RIPK4: variants seen among roughly 807,000 people sequenced by gnomAD.
RIPK4 encodes the protein receptor interacting serine/threonine kinase 4, also known as receptor-interacting serine/threonine-protein kinase 4.
A neutral mutation model predicts 42.9 loss-of-function variants in RIPK4; 17 were observed. The observed-to-expected ratio is 0.40, with a 90% CI of 0.27 to 0.59. The LOEUF is 0.59. Among genes scored for constraint, RIPK4 ranks in the 20% least tolerant of loss-of-function variants. The probability of loss-of-function intolerance (pLI) is 0.47; values close to 1 mark genes in which losing one functional copy is unlikely to be tolerated. For synonymous variants in RIPK4, 498 were observed against 499.1 expected (o/e 1.00, Z 0.03); for missense variants, 897 against 1,104.4 (o/e 0.81, Z 2.66).
At position 41,752,758 on chromosome 21, in the gene RIPK4, A is replaced by C. The variant is rs185530285; in HGVS notation, c.475-1513T>G. Among the ~76,000 whole-genome samples, 6 of 152,288 alleles carry C rather than the reference A, an allele frequency of 3.9e-5. No homozygotes were observed. The East Asian group carries it at 1.2e-3, about 29-fold the overall frequency. Reference sequence around the variant, plus strand: ...GTGGCTTGAAAGCCTTCAAATTCAGAAATGGGCTGAACAATGAGAACACAT... The same window carrying C: ...GTGGCTTGAAAGCCTTCAAATTCAGCAATGGGCTGAACAATGAGAACACAT... On this transcript the variant is annotated intron_variant, in intron 2 of 7. Coordinates refer to ENST00000332512, the MANE Select transcript of RIPK4 (RefSeq NM_020639.3).
intron 1 of RIPK4, among the ~76,000 whole-genome samples, chr21:41,759,609 G>A (rs2061214830): frequency 6.6e-6 from 1 of 152,162 alleles, no homozygotes; most frequent in Non-Finnish European, 1.5e-5. Context: ...CACAGCAGGG[G>A]GCTCTTCTGG....
rs201383657 is a variant in RIPK4 at position 41,740,882 on chromosome 21, C to T, written c.2311G>A (p.Gly771Ser). The stretch of plus-strand genomic sequence containing the variant: ...AGGAGCGTGGCGGCGGGGCCATGGC[C>T]GCCCTGGAACTTGAGGCTCTGCAGG... Reference protein sequence around the residue: ...INLQSLKFQGGHGPAATLLRR... With the variant: ...INLQSLKFQGSHGPAATLLRR... The change falls in exon 8 of 8, where the codon GGC (glycine) becomes AGC (serine). Residue 771 changes from glycine (G) to serine (S), a missense_variant. By Grantham distance (56) the Gly-to-Ser change is moderately conservative. Coordinates refer to ENST00000332512, the MANE Select transcript of RIPK4 (RefSeq NM_020639.3). 3.6e-5 allele frequency: 58 copies of T among 1,611,450 alleles called. No individual in the cohort carries two copies. The Admixed American group carries it at 5.2e-4, about 14-fold the overall frequency.
intron 3 of RIPK4, among the ~76,000 whole-genome samples, chr21:41,749,432 T>C (rs376970631): frequency 6.6e-6 from 1 of 152,232 alleles, no homozygotes; most frequent in Non-Finnish European, 1.5e-5. Flanking sequence ...CCAACTGGGC[T>C]ACAATCTTCA....
In RIPK4 at chr21:41,743,912, G is replaced by A. The variant is rs1193618462; in HGVS notation, c.1165C>T (p.Leu389=). ...SAFSSRGSLS[L]SFEREPSTSD... is the part of the protein sequence containing the mutation. ...GTTGAAGGTTCCCGCTCAAAGGACA[G>A]CGACAGTGATCCTCTGGAAGAGAAG... Residue 389 remains leucine, a synonymous_variant, in exon 7 of 8, where the codon CTG becomes TTG. Transcript: ENST00000332512. The A allele has an allele frequency of 6.2e-7, 1 of 1,611,080 alleles. No individual in the cohort carries two copies. The highest frequency in any genetic ancestry group is 1.1e-5 in the South Asian group (1 of 90,906).
intron 1 of RIPK4, among the ~76,000 whole-genome samples, chr21:41,764,256 C>T (rs1268802208): frequency 1.3e-5 from 2 of 152,198 alleles, no homozygotes; most frequent in Non-Finnish European, 2.9e-5. Flanking sequence ...GGCCAAGGGC[C>T]GGCTGAAGGC....
At position 41,742,033 on chromosome 21, in the gene RIPK4, C is replaced by T; in HGVS notation, c.1196-36G>A. ...AGGAGAGGCAAAGGTCAGAGCGTGGCTGCACATCCAGGGACGTGGCGTCTC... is the reference window on the plus strand; with the variant it reads ...AGGAGAGGCAAAGGTCAGAGCGTGGTTGCACATCCAGGGACGTGGCGTCTC... On this transcript the variant is annotated intron_variant, in intron 7 of 7. Coordinates refer to ENST00000332512, the MANE Select transcript of RIPK4 (RefSeq NM_020639.3). This position sits in a 1 kb window ranked among gnomAD's most constrained non-coding sequence, Gnocchi z 5.1. The T allele has an allele frequency of 6.5e-7, 1 of 1,534,128 alleles. No individual in the cohort carries two copies. Among genetic ancestry groups the T allele is most frequent in the Non-Finnish European group, 8.8e-7 (1 of 1,137,522 alleles).
chr21:41,748,080 G>C (rs945063823), intron 4 of RIPK4, among the ~76,000 whole-genome samples: 1 of 152,248 alleles, frequency 6.6e-6, no homozygotes, highest in Admixed American at 6.5e-5. Context: ...GTAGGCCACT[G>C]TGCGGGAGAA....
intron 4 of RIPK4, among the ~76,000 whole-genome samples, chr21:41,748,850 G>T (rs1034956029): frequency 1.3e-5 from 2 of 152,122 alleles, no homozygotes; most frequent in East Asian, 3.8e-4. Context: ...CAGTGGTAAC[G>T]CTTGTTCAAC....
chr21:41,760,764 TG>T (rs1309722537), intron 1 of RIPK4, among the ~76,000 whole-genome samples: 2 of 151,140 alleles, frequency 1.3e-5, no homozygotes, highest in Non-Finnish European at 1.5e-5. Context: ...CTGGGGGGTG[TG>T]GGGGGTGGGC....
At position 41,753,789 on chromosome 21, in the gene RIPK4, C is replaced by T. The variant is rs2061195300; in HGVS notation, c.475-2544G>A. On this transcript the variant is annotated intron_variant, in intron 2 of 7. Coordinates refer to ENST00000332512, the MANE Select transcript of RIPK4 (RefSeq NM_020639.3). Reference sequence around the variant, plus strand: ...GGTTTTGCTGCCTCTAAAAGAAAGACACAGCAGAACGTGACCCGCGTGTGA... The same window carrying T: ...GGTTTTGCTGCCTCTAAAAGAAAGATACAGCAGAACGTGACCCGCGTGTGA... Among the ~76,000 whole-genome samples the T allele has an allele frequency of 2.0e-5, 3 of 152,192 alleles. No individual in the cohort carries two copies. The South Asian group carries it at 6.2e-4, about 32-fold the overall frequency.
chr21:41,758,462 G>T (rs2061211657), intron 1 of RIPK4, among the ~76,000 whole-genome samples: 5 of 152,108 alleles, frequency 3.3e-5, no homozygotes, highest in Admixed American at 3.3e-4. Flanking sequence ...CTGTTCGTGG[G>T]TGCAGGCCAT....
intron 2 of RIPK4, among the ~76,000 whole-genome samples, chr21:41,754,331 T>C (rs7283033): frequency 0.14 from 21,850 of 152,138 alleles, 1,698 homozygotes; most frequent in Middle Eastern, 0.21. Flanking sequence ...CACGTAAAGG[T>C]ATTTTTCGGT....
Position 41,741,807 on chromosome 21 carries a change from G to A in RIPK4, c.1386C>T (p.Ala462=), listed in dbSNP as rs913477536. ...CCCTACGGTTGCTCAGGTTGGGGTT[G>A]GCATTGTTGAGCAGCAGCCACTTGG... is the stretch of plus-strand genomic sequence containing the variant. The part of the protein sequence containing the change: ...ECAKWLLLNN[A]NPNLSNRRGS... The change falls in exon 8 of 8, where the codon GCC becomes GCT. Residue 462 remains alanine (A), a synonymous_variant. Coordinates refer to ENST00000332512, the MANE Select transcript of RIPK4 (RefSeq NM_020639.3). The A allele has an allele frequency of 5.6e-6, 9 of 1,611,472 alleles. No individual in the cohort carries two copies. The African/African-American group carries it at 1.1e-4, about 19-fold the overall frequency.
In RIPK4 at chr21:41,751,055, C is replaced by A. The variant is rs1353304659; in HGVS notation, c.623+42G>T. 1 of 1,593,648 alleles carries A rather than the reference C, an allele frequency of 6.3e-7. No homozygotes were observed. The highest frequency in any genetic ancestry group is 1.3e-5 in the African/African-American group (1 of 74,602). Reference sequence around the variant, plus strand: ...GGGCATGAAGCATTGAGGTTGAGAGCCCCTGGCACCCACAGGGGATGGGGG... The same window carrying A: ...GGGCATGAAGCATTGAGGTTGAGAGACCCTGGCACCCACAGGGGATGGGGG... On this transcript the variant is annotated intron_variant, in intron 3 of 7. Transcript: ENST00000332512. This position sits in a 1 kb window ranked among gnomAD's most constrained non-coding sequence, Gnocchi z 4.5.
chr21:41,757,631 C>T (rs909850075), intron 1 of RIPK4, among the ~76,000 whole-genome samples: 1 of 151,960 alleles, frequency 6.6e-6, no homozygotes, highest in African/African-American at 2.4e-5. Flanking sequence ...TCCAACCTCA[C>T]ACTCAAACTA....
chr21:41,763,729 C>A (rs1601685969), intron 1 of RIPK4, among the ~76,000 whole-genome samples: 2 of 152,300 alleles, frequency 1.3e-5, no homozygotes. Context: ...TGACAAGAAA[C>A]GGGCTTGTCC....
At chr21:41,743,792 C>A (rs1482983433) in intron 7 of RIPK4, 90 bp downstream of exon 7, 2 of 1,434,746 alleles carry the variant, frequency 1.4e-6, no homozygotes, top group Admixed American at 2.3e-5. Flanking sequence ...AAGAAACTGT[C>A]CCCTTGATTC....
In RIPK4 at chr21:41,751,492, G is replaced by A. The variant is rs2061188321; in HGVS notation, c.475-247C>T. 6.6e-6 allele frequency among the ~76,000 whole-genome samples: 1 copy of A among 152,220 alleles called. No individual in the cohort carries two copies. Among genetic ancestry groups the A allele is most frequent in the African/African-American group, 2.4e-5 (1 of 41,464 alleles). On this transcript the variant is annotated intron_variant, in intron 2 of 7. Transcript: ENST00000332512. This position sits in a 1 kb window ranked among gnomAD's most constrained non-coding sequence, Gnocchi z 4.5. ...GACGGGCAGGTGAAAGAATCGTACTGTAAGGAAGGAGTTATCCGGGACAGA... is the reference window on the plus strand; with the variant it reads ...GACGGGCAGGTGAAAGAATCGTACTATAAGGAAGGAGTTATCCGGGACAGA...
Position 41,742,086 on chromosome 21 carries a change from G to T in RIPK4, c.1196-89C>A, listed in dbSNP as rs1601674100. On this transcript the variant is annotated intron_variant, in intron 7 of 7. Coordinates refer to ENST00000332512, the MANE Select transcript of RIPK4 (RefSeq NM_020639.3). This position sits in a 1 kb window ranked among gnomAD's most constrained non-coding sequence, Gnocchi z 5.1. ...GGAGCCTGGCTGTGGCGCTCAGGTG[G>T]AGGAGTGCCATGGCCTCCAGGCTGC... is the stretch of plus-strand genomic sequence containing the variant. The T allele has an allele frequency of 8.4e-7, 1 of 1,194,556 alleles. No homozygotes were observed. Among genetic ancestry groups the T allele is most frequent in the Non-Finnish European group, 1.2e-6 (1 of 849,096 alleles). 74.0% of individuals were successfully genotyped at this position (1,194,556 alleles called of 1,614,324 possible).
Sources: allele counts gnomAD v4.1 joint callset (sites outside exome capture counted in the v4.1 genomes callset), GRCh38; gene constraint gnomAD v4.1.1; non-coding constraint Gnocchi (gnomAD v3.1); transcripts MANE v1.5; gene names NCBI Gene and HGNC (gene_info 2026-07-23, HGNC 2026-07-21).